The following LRIG1 variants were observed in gnomAD, a reference collection of about 807,000 sequenced individuals.
LRIG1 encodes leucine-rich repeats and immunoglobulin-like domains protein 1.
LRIG1 carries 48 observed loss-of-function variants against 99.2 expected under a neutral mutation model. The observed-to-expected ratio is 0.48, with a 90% CI of 0.38 to 0.62. The LOEUF is 0.62. LRIG1 is among the 20% of genes least tolerant of loss of function. LRIG1 has a pLI of 0.00. For synonymous variants in LRIG1, 772 were observed against 596.1 expected (o/e 1.29, Z -4.30); for missense variants, 1,646 against 1,434.4 (o/e 1.15, Z -2.38).
At chr3:66,385,942 T>G in intron 13 of LRIG1, 39 bp downstream of exon 13, 4 of 1,569,746 alleles carry the variant, frequency 2.5e-6, no homozygotes, top group Non-Finnish European at 3.5e-6. Flanking sequence ...GTGTGCTTTG[T>G]AGGATTCTGG....
chr3:66,479,101 C>T lies in LRIG1; in HGVS notation c.219-16592G>A, dbSNP rs17044695. On this transcript the variant is annotated intron_variant, in intron 1 of 18. Transcript: ENST00000273261. ...TCTCCACCAAGCACTTCACACCTCC[C>T]TATTGTAAACCTGTCCAGAGCAATT... Among the ~76,000 whole-genome samples, 1,203 of 152,358 alleles carry T rather than the reference C, an allele frequency of 7.9e-3. 7 individuals carry two copies. The highest frequency in any genetic ancestry group is 0.016 in the African/African-American group (666 of 41,580).
At chr3:66,475,530 C>A (rs1036990447) in intron 1 of LRIG1, among the ~76,000 whole-genome samples, 6 of 152,180 alleles carry the variant, frequency 3.9e-5, no homozygotes, top group African/African-American at 1.4e-4. Flanking sequence ...GAAATATTAT[C>A]AAAGTAAATA....
At chr3:66,430,187 CAACAAA>C (rs112370189) in intron 3 of LRIG1, among the ~76,000 whole-genome samples, 18,576 of 140,666 alleles carry the variant, frequency 0.13, 2,171 homozygotes, top group East Asian at 0.69. Flanking sequence ...ACAACAACAA[CAACAAA>C]AAAAAAACAC....
intron 1 of LRIG1, among the ~76,000 whole-genome samples, chr3:66,490,400 T>C (rs1701075925): frequency 6.6e-6 from 1 of 152,148 alleles, no homozygotes; most frequent in African/African-American, 2.4e-5. Context: ...TTTATAAGTT[T>C]TGCAAGCACT....
At chr3:66,427,603 C>T (rs994009019) in intron 3 of LRIG1, among the ~76,000 whole-genome samples, 1 of 152,192 alleles carries the variant, frequency 6.6e-6, no homozygotes, top group Non-Finnish European at 1.5e-5. Flanking sequence ...AGTTCGAGAC[C>T]AGCCTGGGCA....
chr3:66,449,666 G>A (rs1431826262), intron 3 of LRIG1, among the ~76,000 whole-genome samples: 1 of 152,226 alleles, frequency 6.6e-6, no homozygotes, highest in Non-Finnish European at 1.5e-5. Flanking sequence ...CCTGCCCCGA[G>A]TGCATGGGGT....
intron 3 of LRIG1, among the ~76,000 whole-genome samples, chr3:66,425,213 C>A (rs12487264): frequency 1.1e-4 from 16 of 152,180 alleles, no homozygotes; most frequent in African/African-American, 3.9e-4. Flanking sequence ...CCTGGCAGAA[C>A]TTTAAGGGCA....
chr3:66,394,512 G>A (rs920133528), intron 11 of LRIG1, among the ~76,000 whole-genome samples: 5 of 152,204 alleles, frequency 3.3e-5, no homozygotes, highest in South Asian at 2.1e-4. Context: ...CAGCAGCAAC[G>A]TGGAGCTTAT....
intron 2 of LRIG1, among the ~76,000 whole-genome samples, chr3:66,458,779 G>C (rs1398143496): frequency 2.6e-5 from 4 of 151,970 alleles, no homozygotes; most frequent in African/African-American, 9.7e-5. Flanking sequence ...CATTTTGGGA[G>C]GCCAAGGCGG....
Position 66,378,867 on chromosome 3 carries a change from G to C in LRIG1, c.*1396C>G, listed in dbSNP as rs548482605. 2.0e-5 allele frequency: 3 copies of C among 152,540 alleles called. No homozygotes were observed. The highest frequency in any genetic ancestry group is 2.9e-5 in the Non-Finnish European group (2 of 68,044). 9.4% of individuals were successfully genotyped at this position (152,540 alleles called of 1,614,324 possible). On this transcript the variant is annotated 3_prime_UTR_variant, in exon 19 of 19. Transcript: ENST00000273261. ...TGTTAGACACTTCAATATTTTACAT[G>C]GTTTTCAATGTACACTGTACCAAAA...
chr3:66,500,459 A>C lies in LRIG1; in HGVS notation c.-52T>G. On this transcript the variant is annotated 5_prime_UTR_variant, in exon 1 of 19. Transcript: ENST00000273261. ...GGGCGCGGGGACTGTGAGGACCCGAACGGCCGCAGACGCGGGCGGGCCCGC... is the reference window on the plus strand; with the variant it reads ...GGGCGCGGGGACTGTGAGGACCCGACCGGCCGCAGACGCGGGCGGGCCCGC... 2 of 1,109,540 alleles carry C rather than the reference A, an allele frequency of 1.8e-6. No homozygotes were observed. Among genetic ancestry groups the C allele is most frequent in the Non-Finnish European group, 2.3e-6 (2 of 852,340 alleles). 68.7% of individuals were successfully genotyped at this position (1,109,540 alleles called of 1,614,324 possible). A position where few individuals can be genotyped will look rare whatever the true frequency, so the allele number is the denominator to read the frequency against.
intron 12 of LRIG1, among the ~76,000 whole-genome samples, chr3:66,388,550 G>C (rs1382090757): frequency 6.6e-6 from 1 of 152,096 alleles, no homozygotes; most frequent in Non-Finnish European, 1.5e-5. Flanking sequence ...TCCAAACGCA[G>C]ATTCATCATA....
Position 66,381,620 on chromosome 3 carries a change from T to G in LRIG1, c.2629A>C (p.Arg877=). The change falls in exon 17 of 19, where the codon AGA becomes CGA. Residue 877 remains arginine, a synonymous_variant. Transcript: ENST00000273261. The part of the protein sequence containing the change: ...GHIESNGVCP[R]DASHFPEPDT... Reference sequence around the variant, plus strand: ...GGCTCTGGAAAGTGGCTTGCATCTCTTGGACACACACCTGCAAGTGGATTC... The same window carrying G: ...GGCTCTGGAAAGTGGCTTGCATCTCGTGGACACACACCTGCAAGTGGATTC... The G allele has an allele frequency of 6.2e-7, 1 of 1,613,676 alleles. No individual in the cohort carries two copies. Among genetic ancestry groups the G allele is most frequent in the Non-Finnish European group, 8.5e-7 (1 of 1,179,606 alleles).
At chr3:66,413,980 A>G (rs935703527) in intron 5 of LRIG1, among the ~76,000 whole-genome samples, 1 of 152,238 alleles carries the variant, frequency 6.6e-6, no homozygotes, top group Admixed American at 6.5e-5. Flanking sequence ...GAAAAAAAAA[A>G]ATCAGGGAAA....
intron 3 of LRIG1, among the ~76,000 whole-genome samples, chr3:66,435,366 C>A (rs1336049141): frequency 1.3e-5 from 2 of 152,106 alleles, no homozygotes; most frequent in Non-Finnish European, 2.9e-5. Flanking sequence ...TGAGACCAGC[C>A]TTCCCAACAG....
At chr3:66,404,179 G>C in intron 9 of LRIG1, 1 of 1,197,704 alleles carries the variant, frequency 8.3e-7, no homozygotes, top group South Asian at 1.3e-5. Flanking sequence ...GGTGCAAAAA[G>C]CCACGCTTTT....
At chr3:66,412,800 C>T (rs895746874) in intron 6 of LRIG1, 71 bp downstream of exon 6, 10 of 1,568,510 alleles carry the variant, frequency 6.4e-6, no homozygotes, top group Non-Finnish European at 8.7e-6. Flanking sequence ...CATGCGCACA[C>T]ACACACACGC....
At chr3:66,380,953 G>C in intron 17 of LRIG1, 92 bp from the exon 18 acceptor site, 3 of 1,349,268 alleles carry the variant, frequency 2.2e-6, no homozygotes, top group South Asian at 2.6e-5. Flanking sequence ...CACTGTGCAA[G>C]GTGAGAACCC....
At chr3:66,483,190 C>T (rs191513640) in intron 1 of LRIG1, among the ~76,000 whole-genome samples, 59 of 152,282 alleles carry the variant, frequency 3.9e-4, no homozygotes, top group Admixed American at 3.5e-3. Context: ...TGAGGCTGAG[C>T]TCATCAGGGA....
Sources: allele counts gnomAD v4.1 joint callset (sites outside exome capture counted in the v4.1 genomes callset), GRCh38; gene constraint gnomAD v4.1.1; transcripts MANE v1.5; gene names NCBI Gene and HGNC (gene_info 2026-07-23, HGNC 2026-07-21).